Variants in PSMD2 observed in about 807,000 individuals in gnomAD.
The protein encoded by PSMD2 is proteasome 26S subunit ubiquitin receptor, non-ATPase 2.
A neutral mutation model predicts 101.5 loss-of-function variants in PSMD2; 8 were observed. The ratio of observed to expected loss-of-function variants is 0.08; its 90% CI spans 0.05 to 0.14. The LOEUF is 0.14. Ranked by LOEUF, PSMD2 falls within the 10% of genes least tolerant of loss-of-function variation. PSMD2 has a pLI of 1.00. For missense variants in PSMD2, 784 were observed against 1,147.4 expected (o/e 0.68, Z 4.58); for synonymous variants, 418 against 433.8 (o/e 0.96, Z 0.45).
intron 15 of PSMD2, 49 bp from the exon 16 acceptor site, chr3:184,306,702 G>A: frequency 6.3e-7 from 1 of 1,584,850 alleles, no homozygotes; most frequent in Non-Finnish European, 8.6e-7. Flanking sequence ...AAGGGTGACT[G>A]TTTTTTATTC....
In PSMD2 at chr3:184,301,920, C is replaced by T. The variant is rs1721656939; in HGVS notation, c.553C>T (p.Leu185Phe). The stretch of plus-strand genomic sequence containing the variant: ...AGAGAAGGTCCAGCGGGAGCCTCTG[C>T]TCACTCTGGTGAAGGAAATCGTCCC... Reference protein sequence around the residue: ...DAEKVQREPLLTLVKEIVPYN... With the variant: ...DAEKVQREPLFTLVKEIVPYN... Residue 185 changes from leucine to phenylalanine, a missense_variant, in exon 5 of 21, where the codon CTC becomes TTC. Around this residue, in one of 6 missense-constraint regions of PSMD2, gnomAD observed 208 missense variants for 301.6 expected, o/e 0.69. Coordinates refer to ENST00000310118, the MANE Select transcript of PSMD2 (RefSeq NM_002808.5). 1.9e-6 allele frequency: 3 copies of T among 1,614,090 alleles called. No individual in the cohort carries two copies. Among genetic ancestry groups the T allele is most frequent in the Non-Finnish European group, 2.5e-6 (3 of 1,180,052 alleles).
At chr3:184,307,197 C>A (rs1050439884) in intron 16 of PSMD2, among the ~76,000 whole-genome samples, 160 bp from the exon 17 acceptor site, 1 of 152,160 alleles carries the variant, frequency 6.6e-6, no homozygotes, top group Admixed American at 6.5e-5. Flanking sequence ...CCTGCCTCGG[C>A]CTCCCAAAGT....
chr3:184,307,309 T>C, intron 16 of PSMD2, 48 bp from the exon 17 acceptor site: 1 of 1,591,714 alleles, frequency 6.3e-7, no homozygotes, highest in East Asian at 2.2e-5. Context: ...TAATGGAATT[T>C]GTTTTTACTG....
At chr3:184,302,856 C>T (rs756549257) in intron 7 of PSMD2, 33 bp downstream of exon 7, 12 of 1,613,406 alleles carry the variant, frequency 7.4e-6, no homozygotes, top group South Asian at 5.5e-5. Context: ...AAGGCCTTTT[C>T]GTCATAATTC....
At chr3:184,306,620 CTGGGTTCTG>C in intron 15 of PSMD2, 122 bp from the exon 16 acceptor site, 1 of 1,530,114 alleles carries the variant, frequency 6.5e-7, no homozygotes, top group Non-Finnish European at 8.8e-7. Context: ...TAGCGTGTGA[CTGGGTTCTG>C]TATGTAAGGG....
intron 16 of PSMD2, 117 bp from the exon 17 acceptor site, chr3:184,307,240 G>A: frequency 8.5e-7 from 1 of 1,174,984 alleles, no homozygotes; most frequent in South Asian, 1.5e-5. Context: ...ACCATGCCCA[G>A]CCTGCTGTGC....
Position 184,303,167 on chromosome 3 carries a change from C to T in PSMD2, c.1069+105C>T, listed in dbSNP as rs1214556020. 4.6e-6 allele frequency: 7 copies of T among 1,506,860 alleles called. No individual in the cohort carries two copies. The Admixed American group carries it at 1.2e-4, about 26-fold the overall frequency. The allele number at this position is 1,506,860 out of a possible 1,614,324, so 93.3% of individuals were successfully genotyped here. On this transcript the variant is annotated intron_variant, in intron 8 of 20. Transcript: ENST00000310118. ...TGCTTATCCTATCGAGCTCAGAATC[C>T]TCATGAATCTTTTTCAGGTCACTGC...
At chr3:184,302,251 A>T in intron 5 of PSMD2, 119 bp from the exon 6 acceptor site, 1 of 1,231,030 alleles carries the variant, frequency 8.1e-7, no homozygotes, top group Non-Finnish European at 1.1e-6. Context: ...TAGTTCTAAC[A>T]TCTAGCACAG....
At position 184,308,356 on chromosome 3, in the gene PSMD2, G is replaced by A; in HGVS notation, c.2426-93G>A. Reference sequence around the variant, plus strand: ...TGTGGATTCAGTCGTATGACTGACGGGTTAAAGGGTCAGCGCTGAGGTGGG... The same window carrying A: ...TGTGGATTCAGTCGTATGACTGACGAGTTAAAGGGTCAGCGCTGAGGTGGG... On this transcript the variant is annotated intron_variant, in intron 19 of 20. Coordinates refer to ENST00000310118, the MANE Select transcript of PSMD2 (RefSeq NM_002808.5). The surrounding 1 kb of genome is among the most constrained non-coding windows in gnomAD (Gnocchi z 6.0). 1.9e-6 allele frequency: 2 copies of A among 1,038,402 alleles called. No individual in the cohort carries two copies. The highest frequency in any genetic ancestry group is 2.8e-6 in the Non-Finnish European group (2 of 703,550). 64.3% of individuals were successfully genotyped at this position (1,038,402 alleles called of 1,614,324 possible).
chr3:184,304,350 C>T lies in PSMD2; in HGVS notation c.1498C>T (p.Leu500=). 1 of 1,614,212 alleles carries T rather than the reference C, an allele frequency of 6.2e-7. No individual in the cohort carries two copies. The highest frequency in any genetic ancestry group is 8.5e-7 in the Non-Finnish European group (1 of 1,180,040). Residue 500 remains leucine (L), a synonymous_variant, in exon 12 of 21, where the codon CTG becomes TTG. Transcript: ENST00000310118. The surrounding 1 kb of genome is among the most constrained non-coding windows in gnomAD (Gnocchi z 4.1). ...CTCAAATCGTGAAGATGTCCTAACACTGCTGCTGCCTGTGATGGGAGATTC... is the reference window on the plus strand; with the variant it reads ...CTCAAATCGTGAAGATGTCCTAACATTGCTGCTGCCTGTGATGGGAGATTC... ...AGSNREDVLT[L]LLPVMGDSKS... is the part of the protein sequence containing the mutation.
intron 3 of PSMD2, 57 bp downstream of exon 3, chr3:184,300,501 T>A: frequency 6.3e-7 from 1 of 1,577,026 alleles, no homozygotes; most frequent in South Asian, 1.2e-5. Flanking sequence ...TTTACCCAGA[T>A]CATGGGGGGA....
chr3:184,301,922 C>T lies in PSMD2; in HGVS notation c.555C>T (p.Leu185=), dbSNP rs369421217. Residue 185 remains leucine (L), a synonymous_variant, in exon 5 of 21, where the codon CTC becomes CTT. Transcript: ENST00000310118. ...DAEKVQREPL[L]TLVKEIVPYN... is the part of the protein sequence containing the mutation. ...AGAAGGTCCAGCGGGAGCCTCTGCT[C>T]ACTCTGGTGAAGGAAATCGTCCCCT... is the stretch of plus-strand genomic sequence containing the variant. 4.2e-5 allele frequency: 68 copies of T among 1,614,220 alleles called. No homozygotes were observed. Among genetic ancestry groups the T allele is most frequent in the Non-Finnish European group, 5.3e-5 (63 of 1,180,046 alleles).
chr3:184,306,812 C>T lies in PSMD2; in HGVS notation c.2012C>T (p.Ala671Val). ...AMGEEIGAEM[A>V]LRTFGHLLRY... ...GGGGAGGAGATTGGTGCAGAGATGG[C>T]ATTACGAACCTTTGGCCACTTGGTG... Residue 671 changes from alanine to valine, a missense_variant, in exon 16 of 21, where the codon GCA becomes GTA. Physicochemically the swap from Ala to Val is moderately conservative, Grantham distance 64. Around this residue, in one of 6 missense-constraint regions of PSMD2, gnomAD observed 282 missense variants for 437.6 expected, o/e 0.64. Coordinates refer to ENST00000310118, the MANE Select transcript of PSMD2 (RefSeq NM_002808.5). 2 of 1,613,782 alleles carry T rather than the reference C, an allele frequency of 1.2e-6. No homozygotes were observed. Among genetic ancestry groups the T allele is most frequent in the Non-Finnish European group, 1.7e-6 (2 of 1,179,968 alleles).
rs1721766646 is a variant in PSMD2, at chr3:184,304,605, G to C, written c.1539+214G>C. Among the ~76,000 whole-genome samples, 1 of 152,156 alleles carries C rather than the reference G, an allele frequency of 6.6e-6. No homozygotes were observed. Among genetic ancestry groups the C allele is most frequent in the African/African-American group, 2.4e-5 (1 of 41,428 alleles). On this transcript the variant is annotated intron_variant, in intron 12 of 20. Transcript: ENST00000310118. The surrounding 1 kb of genome is among the most constrained non-coding windows in gnomAD (Gnocchi z 4.1). ...TAAGGCTAAAGAGTTAACATTTTAGGCCTGGCACGGTGGCTCGTGCCTATA... is the reference window on the plus strand; with the variant it reads ...TAAGGCTAAAGAGTTAACATTTTAGCCCTGGCACGGTGGCTCGTGCCTATA...
chr3:184,303,308 C>T lies in PSMD2; in HGVS notation c.1070-12C>T, dbSNP rs760894140. Reference sequence around the variant, plus strand: ...CCTTCTTTCCTTACTTTTCCTCTCCCTCCTGTTGCAGGGTTTGGGGGCAGT... The same window carrying T: ...CCTTCTTTCCTTACTTTTCCTCTCCTTCCTGTTGCAGGGTTTGGGGGCAGT... On this transcript the variant is annotated splice_polypyrimidine_tract_variant and intron_variant, in intron 8 of 20. Coordinates refer to ENST00000310118, the MANE Select transcript of PSMD2 (RefSeq NM_002808.5). The T allele has an allele frequency of 6.8e-6, 11 of 1,608,044 alleles. No homozygotes were observed. The highest frequency in any genetic ancestry group is 9.3e-6 in the Non-Finnish European group (11 of 1,178,068).
At chr3:184,300,652 C>CCTG in intron 3 of PSMD2, 2 of 1,351,526 alleles carry the variant, frequency 1.5e-6, no homozygotes, top group East Asian at 2.8e-5. Flanking sequence ...GTGTATTGGA[C>CCTG]TTTGGGGTTT....
rs777194982 is a variant in PSMD2, at chr3:184,304,399, G to A, written c.1539+8G>A. ...TCAAAGTCCAGCATGGAGGTGAGTA[G>A]AGGCTATTGAGCATTTAGAGTAAGT... On this transcript the variant is annotated splice_region_variant and intron_variant, in intron 12 of 20. Transcript: ENST00000310118. This position sits in a 1 kb window ranked among gnomAD's most constrained non-coding sequence, Gnocchi z 4.1. The A allele has an allele frequency of 8.7e-6, 14 of 1,611,836 alleles. No individual in the cohort carries two copies. Among genetic ancestry groups the A allele is most frequent in the Non-Finnish European group, 1.2e-5 (14 of 1,177,994 alleles).
At chr3:184,299,821 C>T in intron 1 of PSMD2, 30 bp from the exon 2 acceptor site, 1 of 1,597,916 alleles carries the variant, frequency 6.3e-7, no homozygotes, top group Non-Finnish European at 8.6e-7. Flanking sequence ...GATTCCTTCT[C>T]TTCATGAGCT....
intron 1 of PSMD2, chr3:184,299,625 C>T (rs1721575166): frequency 4.5e-6 from 3 of 672,538 alleles, no homozygotes; most frequent in Admixed American, 3.3e-5. Context: ...GTGAAGTGGA[C>T]TCGGGCAGGT....
Sources: gnomAD v4.1 joint callset for allele counts (sites outside exome capture counted in the v4.1 genomes callset) on GRCh38, gnomAD v4.1.1 for gene constraint, gnomAD v4.1.1 regional missense constraint, Gnocchi (gnomAD v3.1) non-coding constraint, MANE v1.5 for transcripts, NCBI Gene and HGNC (gene_info 2026-07-23, HGNC 2026-07-21) for gene names.